The following SMDT1 variants were observed in gnomAD, a reference collection of about 807,000 sequenced individuals.
SMDT1 encodes single-pass membrane protein with aspartate rich tail 1, also known as essential MCU regulator, mitochondrial.
Under a neutral mutation model 5.9 loss-of-function variants are expected in SMDT1, and 6 were observed. The ratio of observed to expected loss-of-function variants is 1.03; its 90% confidence interval spans 0.56 to 2.02. The LOEUF is 2.02. Among genes scored for constraint, SMDT1 ranks in the 30% most tolerant of loss-of-function variants. The probability of loss-of-function intolerance (pLI) is 0.00; values close to 1 mark genes in which losing one functional copy is unlikely to be tolerated. For synonymous variants in SMDT1, 81 were observed against 62.4 expected, an observed-to-expected ratio of 1.30 and a Z score of -1.40; for missense variants, 159 against 145.6, an observed-to-expected ratio of 1.09 and a Z score of -0.47.
rs1477038600 is a variant in SMDT1 at position 42,080,096 on chromosome 22, G to A, written c.186+142G>A. 7.5e-5 allele frequency: 71 copies of A among 949,776 alleles called. 1 individual carries two copies. Among genetic ancestry groups the A allele is most frequent in the South Asian group, 7.3e-4 (42 of 57,660 alleles). 58.8% of individuals were successfully genotyped at this position (949,776 alleles called of 1,614,324 possible). ...GAAGGCGGACCAAGAATACGCTAATGAGTTGCTAATTTTGACAGGTGTGTA... is the reference window on the plus strand; with the variant it reads ...GAAGGCGGACCAAGAATACGCTAATAAGTTGCTAATTTTGACAGGTGTGTA... On this transcript the variant is annotated intron_variant, in intron 1 of 2. Transcript: ENST00000331479.
Position 42,079,926 on chromosome 22 carries a change from G to A in SMDT1, c.158G>A (p.Ser53Asn), listed in dbSNP as rs1196651714. Residue 53 changes from serine to asparagine, a missense_variant, in exon 1 of 3, where the codon AGC becomes AAC. Coordinates refer to ENST00000331479, the MANE Select transcript of SMDT1 (RefSeq NM_033318.5). ...TCGAGGTCAGTCATCGTTACCCGCAGCGGCGCCATTTTGCCCAAACCGGTG... is the reference window on the plus strand; with the variant it reads ...TCGAGGTCAGTCATCGTTACCCGCAACGGCGCCATTTTGCCCAAACCGGTG... ...VPSRSVIVTR[S>N]GAILPKPVKM... is the part of the protein sequence containing the mutation. The A allele has an allele frequency of 6.2e-7, 1 of 1,613,210 alleles. No homozygotes were observed. The highest frequency in any genetic ancestry group is 1.3e-5 in the African/African-American group (1 of 74,898).
intron 1 of SMDT1, among the ~76,000 whole-genome samples, chr22:42,081,689 T>C (rs1337744996): frequency 6.6e-6 from 1 of 151,900 alleles, no homozygotes; most frequent in Non-Finnish European, 1.5e-5. Context: ...CTCAAGCTCC[T>C]GACCTCAGGT....
rs747379318 is a variant in SMDT1 at position 42,081,984 on chromosome 22, A to C, written c.246A>C (p.Thr82=). The stretch of plus-strand genomic sequence containing the variant: ...TGATCCCCTTTCTCTATGTCGGGAC[A>C]CTCATTAGCAAGAACTTTGCTGCTC... ...SIVIPFLYVG[T]LISKNFAALL... is the part of the protein sequence containing the mutation. The change falls in exon 2 of 3, where the codon ACA becomes ACC. Residue 82 remains threonine, a synonymous_variant. Transcript: ENST00000331479. The C allele has an allele frequency of 3.1e-6, 5 of 1,614,048 alleles. No individual in the cohort carries two copies. Among genetic ancestry groups the C allele is most frequent in the Non-Finnish European group, 4.2e-6 (5 of 1,180,012 alleles).
chr22:42,082,716 T>C lies in SMDT1; in HGVS notation c.*4-403T>C, dbSNP rs183737796. 9.2e-5 allele frequency among the ~76,000 whole-genome samples: 14 copies of C among 152,306 alleles called. No homozygotes were observed. In the East Asian group the frequency reaches 2.7e-3, roughly 29 times the overall value. ...CCCCCAAACATTGGCTCATTGTTCC[T>C]CCCACATGGAAGGCTCCTTCCCAGA... On this transcript the variant is annotated intron_variant, in intron 2 of 2. Coordinates refer to ENST00000331479, the MANE Select transcript of SMDT1 (RefSeq NM_033318.5).
rs1007331361 is a variant in SMDT1 at position 42,083,751 on chromosome 22, T to C, written c.*636T>C. The stretch of plus-strand genomic sequence containing the variant: ...TCCCAAAACCCTTGTTTTAGGCTTT[T>C]GTTATAATGTTGGGCACTTCGGGCC... On this transcript the variant is annotated 3_prime_UTR_variant, in exon 3 of 3. Coordinates refer to ENST00000331479, the MANE Select transcript of SMDT1 (RefSeq NM_033318.5). 1.3e-5 allele frequency: 2 copies of C among 152,222 alleles called. No homozygotes were observed. The highest frequency in any genetic ancestry group is 2.9e-5 in the Non-Finnish European group (2 of 68,044). The allele number at this position is 152,222 out of a possible 1,614,324, so 9.4% of individuals were successfully genotyped here.
rs1216930381 is a variant in SMDT1, at chr22:42,083,478, G to A, written c.*363G>A. The A allele has an allele frequency of 6.6e-6, 1 of 152,196 alleles. No individual in the cohort carries two copies. Among genetic ancestry groups the A allele is most frequent in the African/African-American group, 2.4e-5 (1 of 41,442 alleles). The allele number at this position is 152,196 out of a possible 1,614,324, so 9.4% of individuals were successfully genotyped here. On this transcript the variant is annotated 3_prime_UTR_variant, in exon 3 of 3. Coordinates refer to ENST00000331479, the MANE Select transcript of SMDT1 (RefSeq NM_033318.5). ...CCCAGGCTATCCAGGCTGCAGTGGA[G>A]CCTGGTGAACTATTCTGGGGGCCCT...
rs1171329340 is a variant in SMDT1, at chr22:42,079,891, C to T, written c.123C>T (p.Ser41=). The T allele has an allele frequency of 6.2e-7, 1 of 1,614,136 alleles. No individual in the cohort carries two copies. The highest frequency in any genetic ancestry group is 1.6e-4 in the Middle Eastern group (1 of 6,062). The stretch of plus-strand genomic sequence containing the variant: ...CCGCATGGAGCGGCTCAGGCCGGAG[C>T]CTGGTACCGTCGAGGTCAGTCATCG... ...VSAAWSGSGR[S]LVPSRSVIVT... The change falls in exon 1 of 3, where the codon AGC becomes AGT. Residue 41 remains serine, a synonymous_variant. Coordinates refer to ENST00000331479, the MANE Select transcript of SMDT1 (RefSeq NM_033318.5).
intron 1 of SMDT1, 139 bp downstream of exon 1, chr22:42,080,093 A>G: frequency 2.1e-6 from 2 of 953,942 alleles, no homozygotes; most frequent in Non-Finnish European, 3.0e-6. Context: ...AGAATACGCT[A>G]ATGAGTTGCT....
chr22:42,081,816 C>G (rs112035005), intron 1 of SMDT1, 109 bp from the exon 2 acceptor site: 2 of 1,325,208 alleles, frequency 1.5e-6, no homozygotes, highest in African/African-American at 1.5e-5. Context: ...ACTTTAAAAT[C>G]AAGTTGCTTA....
In SMDT1 at chr22:42,081,966, C is replaced by G. The variant is rs1198932412; in HGVS notation, c.228C>G (p.Pro76=). The change falls in exon 2 of 3, where the codon CCC becomes CCG. Residue 76 remains proline, a synonymous_variant. Coordinates refer to ENST00000331479, the MANE Select transcript of SMDT1 (RefSeq NM_033318.5). ...GLLRVFSIVI[P]FLYVGTLISK... Reference sequence around the variant, plus strand: ...TCCGTGTGTTCTCCATTGTGATCCCCTTTCTCTATGTCGGGACACTCATTA... The same window carrying G: ...TCCGTGTGTTCTCCATTGTGATCCCGTTTCTCTATGTCGGGACACTCATTA... 1.2e-6 allele frequency: 2 copies of G among 1,614,102 alleles called. No individual in the cohort carries two copies. The highest frequency in any genetic ancestry group is 1.7e-6 in the Non-Finnish European group (2 of 1,180,036).
rs1311355161 is a variant in SMDT1, at chr22:42,082,059, C to T, written c.321C>T (p.Asp107=). 1.2e-6 allele frequency: 2 copies of T among 1,611,410 alleles called. No individual in the cohort carries two copies. The highest frequency in any genetic ancestry group is 1.7e-6 in the Non-Finnish European group (2 of 1,180,008). The change falls in exon 2 of 3, where the codon GAC becomes GAT. Residue 107 remains aspartate, a synonymous_variant. Coordinates refer to ENST00000331479, the MANE Select transcript of SMDT1 (RefSeq NM_033318.5). ...IFVPEDDDDD[D] The stretch of plus-strand genomic sequence containing the variant: ...TTCCAGAGGATGATGATGATGATGA[C>T]TAACAGGTAAGACTTGCTTTACCCT...
In SMDT1 at chr22:42,081,976, G is replaced by C. The variant is rs1002144996; in HGVS notation, c.238G>C (p.Val80Leu). The C allele has an allele frequency of 1.2e-6, 2 of 1,614,032 alleles. No homozygotes were observed. The highest frequency in any genetic ancestry group is 2.2e-5 in the South Asian group (2 of 91,080). The change falls in exon 2 of 3, where the codon GTC becomes CTC. Residue 80 changes from valine to leucine, a missense_variant. Val to Leu is a conservative substitution (Grantham distance 32). Transcript: ENST00000331479. ...VFSIVIPFLYVGTLISKNFAA... is the reference protein window; with the variant it reads ...VFSIVIPFLYLGTLISKNFAA... Reference sequence around the variant, plus strand: ...CTCCATTGTGATCCCCTTTCTCTATGTCGGGACACTCATTAGCAAGAACTT... The same window carrying C: ...CTCCATTGTGATCCCCTTTCTCTATCTCGGGACACTCATTAGCAAGAACTT...
chr22:42,083,794 G>A lies in SMDT1; in HGVS notation c.*679G>A, dbSNP rs2146865828. 1 of 152,292 alleles carries A rather than the reference G, an allele frequency of 6.6e-6. No individual in the cohort carries two copies. Among genetic ancestry groups the A allele is most frequent in the Middle Eastern group, 3.4e-3 (1 of 294 alleles). The allele number at this position is 152,292 out of a possible 1,614,324, so 9.4% of individuals were successfully genotyped here. On this transcript the variant is annotated 3_prime_UTR_variant, in exon 3 of 3. Transcript: ENST00000331479. ...TTCGGGCCTCAGAAAACAGCAGGCT[G>A]TTTCTCAGATCTTCTCCTGACCTCC...
chr22:42,079,885 C>A lies in SMDT1; in HGVS notation c.117C>A (p.Gly39=), dbSNP rs763789816. 3 of 1,614,186 alleles carry A rather than the reference C, an allele frequency of 1.9e-6. No individual in the cohort carries two copies. Among genetic ancestry groups the A allele is most frequent in the South Asian group, 2.2e-5 (2 of 91,078 alleles). ...TCTCCGCCGCATGGAGCGGCTCAGG[C>A]CGGAGCCTGGTACCGTCGAGGTCAG... The part of the protein sequence containing the change: ...GDVSAAWSGS[G]RSLVPSRSVI... The change falls in exon 1 of 3, where the codon GGC becomes GGA. Residue 39 remains glycine, a synonymous_variant. Transcript: ENST00000331479.
chr22:42,081,251 C>G (rs148136969), intron 1 of SMDT1, among the ~76,000 whole-genome samples: 3,260 of 151,378 alleles, frequency 0.022, 130 homozygotes, highest in African/African-American at 0.075. Flanking sequence ...CTGCAGCCTC[C>G]GCCTCCCGGG....
At chr22:42,081,583 C>T (rs1374361786) in intron 1 of SMDT1, among the ~76,000 whole-genome samples, 3 of 151,880 alleles carry the variant, frequency 2.0e-5, no homozygotes. Flanking sequence ...GCCTCAGCCT[C>T]CCGAGTAGCT....
Position 42,079,702 on chromosome 22 carries a change from T to C in SMDT1, c.-67T>C. Reference sequence around the variant, plus strand: ...CTCGCGAGGCTTCGGGCGGCTTTCTTCCCGAGGGCGGCACGAGGGCTGGGC... The same window carrying C: ...CTCGCGAGGCTTCGGGCGGCTTTCTCCCCGAGGGCGGCACGAGGGCTGGGC... On this transcript the variant is annotated 5_prime_UTR_variant, in exon 1 of 3. Transcript: ENST00000331479. 3.3e-6 allele frequency: 5 copies of C among 1,518,080 alleles called. No homozygotes were observed. Among genetic ancestry groups the C allele is most frequent in the Non-Finnish European group, 4.4e-6 (5 of 1,137,818 alleles). The allele number at this position is 1,518,080 out of a possible 1,614,324, so 94.0% of individuals were successfully genotyped here. A position where few individuals can be genotyped will look rare whatever the true frequency, so the allele number is the denominator to read the frequency against.
Position 42,079,712 on chromosome 22 carries a change from G to T in SMDT1, c.-57G>T, listed in dbSNP as rs1475407266. The T allele has an allele frequency of 1.3e-6, 2 of 1,536,482 alleles. No homozygotes were observed. The highest frequency in any genetic ancestry group is 1.4e-5 in the African/African-American group (1 of 72,998). ...TTCGGGCGGCTTTCTTCCCGAGGGC[G>T]GCACGAGGGCTGGGCGGTGGGGTGC... On this transcript the variant is annotated 5_prime_UTR_variant, in exon 1 of 3. Coordinates refer to ENST00000331479, the MANE Select transcript of SMDT1 (RefSeq NM_033318.5).
chr22:42,080,087 T>A (rs1044885073), intron 1 of SMDT1, 133 bp downstream of exon 1: 1 of 1,013,560 alleles, frequency 9.9e-7, no homozygotes, highest in Admixed American at 3.0e-5. Flanking sequence ...GGACCAAGAA[T>A]ACGCTAATGA....
Sources: allele counts gnomAD v4.1 joint callset (sites outside exome capture counted in the v4.1 genomes callset), GRCh38; gene constraint gnomAD v4.1.1; transcripts MANE v1.5; gene names NCBI Gene and HGNC (gene_info 2026-07-23, HGNC 2026-07-21).